ANTXR2: variants seen among roughly 807,000 people sequenced by gnomAD.
ANTXR2 encodes anthrax toxin receptor 2.
ANTXR2 carries 44 observed loss-of-function variants against 73.7 expected under a neutral mutation model. The observed-to-expected ratio is 0.60, with a 90% confidence interval of 0.47 to 0.77. The LOEUF (loss-of-function observed/expected upper bound fraction) is 0.77, where lower values mean the gene tolerates loss of function less well. ANTXR2 is among the 30% of genes least tolerant of loss of function. The pLI is 0.00. For missense variants in ANTXR2, 604 were observed against 592.5 expected (o/e 1.02, Z -0.20); for synonymous variants, 217 against 205.9 (o/e 1.05, Z -0.46).
intron 7 of ANTXR2, among the ~76,000 whole-genome samples, chr4:80,045,306 C>T (rs1282065711): frequency 6.6e-6 from 1 of 151,628 alleles, no homozygotes; most frequent in East Asian, 1.9e-4. Context: ...AGGCTTTTTC[C>T]TCCCCAAAAT....
At position 79,905,989 on chromosome 4, in the gene ANTXR2, C is replaced by T. The variant is rs1205806210; in HGVS notation, c.*1440G>A. The T allele has an allele frequency of 6.6e-6, 1 of 152,568 alleles. No individual in the cohort carries two copies. Among genetic ancestry groups the T allele is most frequent in the Non-Finnish European group, 1.5e-5 (1 of 68,042 alleles). 9.5% of individuals were successfully genotyped at this position (152,568 alleles called of 1,614,324 possible). On this transcript the variant is annotated 3_prime_UTR_variant, in exon 17 of 17. Coordinates refer to ENST00000403729, the MANE Select transcript of ANTXR2 (RefSeq NM_058172.6). ...CCACTGGTCATTGTCTATACCAGTT[C>T]ACATCAAAGCAGGCGCACTTTGTCA...
intron 8 of ANTXR2, 41 bp downstream of exon 8, chr4:80,035,931 T>A: frequency 1.2e-5 from 17 of 1,473,524 alleles, no homozygotes; most frequent in Non-Finnish European, 1.5e-5. Flanking sequence ...AGGAAAAAAA[T>A]ACAATTTCTT....
In ANTXR2 at chr4:79,904,364, T is replaced by C. The variant is rs550484563; in HGVS notation, c.*3065A>G. 1 of 152,260 alleles carries C rather than the reference T, an allele frequency of 6.6e-6. No homozygotes were observed. Among genetic ancestry groups the C allele is most frequent in the East Asian group, 1.9e-4 (1 of 5,190 alleles). The allele number at this position is 152,260 out of a possible 1,614,324, so 9.4% of individuals were successfully genotyped here. On this transcript the variant is annotated 3_prime_UTR_variant, in exon 17 of 17. Transcript: ENST00000403729. ...TCTATATTTTTGTCAAAATAGTAAT[T>C]AACCATAGATGACAGATGCTGCTCC... is the stretch of plus-strand genomic sequence containing the variant.
intron 9 of ANTXR2, among the ~76,000 whole-genome samples, chr4:80,032,749 A>G (rs1459861122): frequency 6.6e-6 from 1 of 151,896 alleles, no homozygotes; most frequent in Non-Finnish European, 1.5e-5. Context: ...ATTTATATAG[A>G]TACTCAAGAT....
In ANTXR2 at chr4:79,983,909, C is replaced by A; in HGVS notation, c.1148G>T (p.Gly383Val). 6.2e-7 allele frequency: 1 copy of A among 1,611,546 alleles called. No individual in the cohort carries two copies. The highest frequency in any genetic ancestry group is 8.5e-7 in the Non-Finnish European group (1 of 1,178,816). Reference protein sequence around the residue: ...WPTVDASYYGGRGVGGIKRME... With the variant: ...WPTVDASYYGVRGVGGIKRME... ...TCTTTTAATTCCTCCAACCCCTCGACCACCATAATAGGAAGCATCCACAGT... is the reference window on the plus strand; with the variant it reads ...TCTTTTAATTCCTCCAACCCCTCGAACACCATAATAGGAAGCATCCACAGT... The change falls in exon 14 of 17, where the codon GGT becomes GTT. Residue 383 changes from glycine (G) to valine (V), a missense_variant. Transcript: ENST00000403729.
At chr4:79,963,709 C>T (rs867573342) in intron 16 of ANTXR2, among the ~76,000 whole-genome samples, 2 of 152,076 alleles carry the variant, frequency 1.3e-5, no homozygotes, top group African/African-American at 4.8e-5. Flanking sequence ...TCTTTATTAT[C>T]TTACCATTCC....
rs1726817827 is a variant in ANTXR2 at position 79,904,106 on chromosome 4, G to A, written c.*3323C>T. Reference sequence around the variant, plus strand: ...CCTAATTATCCACAATATAGAATTTGTTTCAACTTTAAACTAAACAAATGT... The same window carrying A: ...CCTAATTATCCACAATATAGAATTTATTTCAACTTTAAACTAAACAAATGT... On this transcript the variant is annotated 3_prime_UTR_variant, in exon 17 of 17. Transcript: ENST00000403729. The A allele has an allele frequency of 1.9e-5, 2 of 102,916 alleles. No individual in the cohort carries two copies. The highest frequency in any genetic ancestry group is 7.1e-5 in the African/African-American group (2 of 28,052). The allele number at this position is 102,916 out of a possible 1,614,324, so 6.4% of individuals were successfully genotyped here.
At chr4:79,922,440 A>G (rs1727627213) in intron 16 of ANTXR2, among the ~76,000 whole-genome samples, 1 of 152,098 alleles carries the variant, frequency 6.6e-6, no homozygotes, top group Non-Finnish European at 1.5e-5. Context: ...TAAGTCTTTA[A>G]AAAAGTTATG....
At chr4:79,945,378 C>T (rs999648778) in intron 16 of ANTXR2, among the ~76,000 whole-genome samples, 2 of 152,048 alleles carry the variant, frequency 1.3e-5, no homozygotes, top group African/African-American at 4.8e-5. Context: ...ATTCATCTTA[C>T]ATCATTTTAT....
chr4:80,013,210 A>T (rs1393768270), intron 11 of ANTXR2, among the ~76,000 whole-genome samples: 2 of 152,254 alleles, frequency 1.3e-5, no homozygotes, highest in Non-Finnish European at 2.9e-5. Flanking sequence ...CTCTAATCTT[A>T]AATCTCTTAA....
In ANTXR2 at chr4:79,905,066, C is replaced by T. The variant is rs1018645431; in HGVS notation, c.*2363G>A. 1 of 152,136 alleles carries T rather than the reference C, an allele frequency of 6.6e-6. No homozygotes were observed. The highest frequency in any genetic ancestry group is 2.4e-5 in the African/African-American group (1 of 41,444). 9.4% of individuals were successfully genotyped at this position (152,136 alleles called of 1,614,324 possible). A position where few individuals can be genotyped will look rare whatever the true frequency, so the allele number is the denominator to read the frequency against. On this transcript the variant is annotated 3_prime_UTR_variant, in exon 17 of 17. Transcript: ENST00000403729. ...TTTTCAGTCTACATATAGACCACTG[C>T]CACTTCCTCTTCATTAAGAGCTCTT...
chr4:80,016,827 C>T (rs1325365799), intron 11 of ANTXR2, among the ~76,000 whole-genome samples: 1 of 152,250 alleles, frequency 6.6e-6, no homozygotes, highest in Non-Finnish European at 1.5e-5. Flanking sequence ...TCACATCCCA[C>T]ACCTAATCTG....
chr4:79,916,390 AATAGAT>A (rs1727356173), intron 16 of ANTXR2, among the ~76,000 whole-genome samples: 3 of 152,164 alleles, frequency 2.0e-5, no homozygotes, highest in African/African-American at 4.8e-5. Flanking sequence ...GGTATTAATA[AATAGAT>A]ATAGATATAA....
intron 12 of ANTXR2, among the ~76,000 whole-genome samples, chr4:79,990,132 G>A (rs1209004648): frequency 2.0e-5 from 3 of 151,956 alleles, no homozygotes; most frequent in African/African-American, 7.2e-5. Flanking sequence ...CCTAGCCAGA[G>A]AAATCAGATA....
At chr4:79,960,058 T>C (rs1308282520) in intron 16 of ANTXR2, among the ~76,000 whole-genome samples, 1 of 152,194 alleles carries the variant, frequency 6.6e-6, no homozygotes, top group Non-Finnish European at 1.5e-5. Context: ...TTTACAGACT[T>C]ACTAACTCTT....
At chr4:80,060,022 T>C (rs1203010532) in intron 3 of ANTXR2, among the ~76,000 whole-genome samples, 1 of 152,200 alleles carries the variant, frequency 6.6e-6, no homozygotes, top group South Asian at 2.1e-4. Flanking sequence ...ACTTGAACTT[T>C]CCAATGCACA....
At chr4:79,976,398 T>C (rs1288148030) in intron 16 of ANTXR2, among the ~76,000 whole-genome samples, 3 of 152,066 alleles carry the variant, frequency 2.0e-5, no homozygotes. Context: ...AAAACAGGGA[T>C]GGGGCAAAAA....
At chr4:80,056,396 A>C in intron 3 of ANTXR2, among the ~76,000 whole-genome samples, 1 of 151,806 alleles carries the variant, frequency 6.6e-6, no homozygotes, top group Middle Eastern at 3.2e-3. Context: ...TTTCTGAAAC[A>C]CTCACTCCAT....
At chr4:80,010,144 A>T (rs1731502385) in intron 11 of ANTXR2, among the ~76,000 whole-genome samples, 1 of 152,102 alleles carries the variant, frequency 6.6e-6, no homozygotes, top group Non-Finnish European at 1.5e-5. Context: ...TCAGGCAAAT[A>T]CCTAAGTAGC....
Sources: gnomAD v4.1 joint callset for allele counts (sites outside exome capture counted in the v4.1 genomes callset) on GRCh38, gnomAD v4.1.1 for gene constraint, MANE v1.5 for transcripts, NCBI Gene and HGNC (gene_info 2026-07-23, HGNC 2026-07-21) for gene names.